WWP1: variants seen among roughly 807,000 people sequenced by gnomAD.
The protein encoded by WWP1 is WW domain containing E3 ubiquitin protein ligase 1.
Under a neutral mutation model 130.6 loss-of-function variants are expected in WWP1, and 49 were observed. The ratio of observed to expected loss-of-function variants is 0.38; its 90% confidence interval spans 0.30 to 0.48. The LOEUF is 0.48. Among genes scored for constraint, WWP1 ranks in the 20% least tolerant of loss-of-function variants. The probability of loss-of-function intolerance (pLI) is 0.99; values close to 1 mark genes in which losing one functional copy is unlikely to be tolerated. For synonymous variants in WWP1, 332 were observed against 367.8 expected, an observed-to-expected ratio of 0.90 and a Z score of 1.11; for missense variants, 809 against 1,100.6, an observed-to-expected ratio of 0.74 and a Z score of 3.75.
chr8:86,352,737 A>G (rs1012064072), intron 1 of WWP1, among the ~76,000 whole-genome samples: 2 of 152,170 alleles, frequency 1.3e-5, no homozygotes, highest in African/African-American at 2.4e-5. Flanking sequence ...AACCTTCCAG[A>G]TGTTTAAAAC....
chr8:86,351,508 T>G (rs1292280670), intron 1 of WWP1, among the ~76,000 whole-genome samples: 1 of 151,598 alleles, frequency 6.6e-6, no homozygotes, highest in Admixed American at 6.6e-5. Flanking sequence ...TCAGCTAGTT[T>G]TTTTTTTTTT....
At chr8:86,448,338 T>C (rs764859361) in intron 19 of WWP1, 35 bp from the exon 20 acceptor site, 1 of 1,587,622 alleles carries the variant, frequency 6.3e-7, no homozygotes, top group Non-Finnish European at 8.5e-7. Flanking sequence ...TTGTTTCATT[T>C]TGTTAATTAG....
At chr8:86,452,738 G>C in intron 21 of WWP1, 59 bp downstream of exon 21, 14 of 1,587,574 alleles carry the variant, frequency 8.8e-6, no homozygotes, top group Middle Eastern at 3.4e-4. Context: ...GACTAATTTA[G>C]TGCTTTTACA....
chr8:86,435,748 T>C (rs776155938), intron 16 of WWP1, 44 bp downstream of exon 16: 56 of 1,578,220 alleles, frequency 3.5e-5, no homozygotes, highest in South Asian at 3.4e-5. Flanking sequence ...TGTCTCATTG[T>C]ATTCTGTGCA....
intron 1 of WWP1, among the ~76,000 whole-genome samples, chr8:86,359,032 C>T (rs1823412543): frequency 6.6e-6 from 1 of 152,134 alleles, no homozygotes; most frequent in Admixed American, 6.5e-5. Flanking sequence ...TGTGGGAAGT[C>T]GTTGGTATCC....
intron 5 of WWP1, among the ~76,000 whole-genome samples, chr8:86,388,028 A>G (rs1016411077): frequency 6.6e-6 from 1 of 152,166 alleles, no homozygotes; most frequent in African/African-American, 2.4e-5. Flanking sequence ...TAAAGTGTTT[A>G]ATTTTAAACT....
At position 86,402,160 on chromosome 8, in the gene WWP1, A is replaced by G. The variant is rs750880501; in HGVS notation, c.681A>G (p.Thr227=). 5.4e-5 allele frequency: 87 copies of G among 1,613,986 alleles called. No homozygotes were observed. The South Asian group carries it at 9.4e-4, about 18-fold the overall frequency. Residue 227 remains threonine (T), a synonymous_variant, in exon 8 of 25, where the codon ACA becomes ACG. Transcript: ENST00000517970. ...AGGTTGCTGCCAGACCCAAAAATAC[A>G]CCAGCTCCAAAACCACTCGCATCTG... ...PSQVAARPKN[T]PAPKPLASEP...
At chr8:86,354,326 A>G (rs1402331952) in intron 1 of WWP1, among the ~76,000 whole-genome samples, 1 of 152,218 alleles carries the variant, frequency 6.6e-6, no homozygotes, top group African/African-American at 2.4e-5. Context: ...ATAAAACTGC[A>G]GTAAAGTCTA....
intron 21 of WWP1, among the ~76,000 whole-genome samples, chr8:86,455,276 A>C (rs1249213728): frequency 1.3e-5 from 2 of 152,050 alleles, no homozygotes; most frequent in Non-Finnish European, 2.9e-5. Flanking sequence ...GAAAAAGGCA[A>C]AGATGTCTAC....
Position 86,350,602 on chromosome 8 carries a change from A to G in WWP1, c.-115+7672A>G, listed in dbSNP as rs531728555. On this transcript the variant is annotated intron_variant, in intron 1 of 24. Coordinates refer to ENST00000517970, the MANE Select transcript of WWP1 (RefSeq NM_007013.4). ...GAAAGGCCAGGGCACAAAGAAGGGCACGGATAGAGTTACATGAAGGTGCTT... is the reference window on the plus strand; with the variant it reads ...GAAAGGCCAGGGCACAAAGAAGGGCGCGGATAGAGTTACATGAAGGTGCTT... 3.3e-4 allele frequency among the ~76,000 whole-genome samples: 51 copies of G among 152,350 alleles called. No individual in the cohort carries two copies. In the South Asian group the frequency reaches 0.01, roughly 30 times the overall value.
chr8:86,413,731 T>TA (rs1454150838), intron 9 of WWP1, among the ~76,000 whole-genome samples: 4 of 152,310 alleles, frequency 2.6e-5, no homozygotes, highest in African/African-American at 7.2e-5. Context: ...GGCAGCAAGA[T>TA]ATATAATGCT....
intron 5 of WWP1, among the ~76,000 whole-genome samples, chr8:86,395,372 T>C (rs1172000523): frequency 6.6e-6 from 1 of 150,882 alleles, no homozygotes; most frequent in Non-Finnish European, 1.5e-5. Context: ...TAAAACTTTA[T>C]TTATGAAAAA....
intron 1 of WWP1, among the ~76,000 whole-genome samples, chr8:86,355,656 A>T (rs1823210555): frequency 1.3e-5 from 2 of 152,192 alleles, no homozygotes; most frequent in Admixed American, 1.3e-4. Flanking sequence ...CATGATCTCT[A>T]ACAGCTTACC....
chr8:86,425,173 A>G (rs769354890), intron 9 of WWP1, 50 bp from the exon 10 acceptor site: 2 of 1,462,926 alleles, frequency 1.4e-6, no homozygotes, highest in African/African-American at 2.8e-5. Context: ...CATTTTTAAG[A>G]TTGTCCTAGT....
chr8:86,383,489 C>A (rs1356511005), intron 5 of WWP1, among the ~76,000 whole-genome samples: 1 of 152,190 alleles, frequency 6.6e-6, no homozygotes, highest in East Asian at 1.9e-4. Flanking sequence ...TGCCTGTAAT[C>A]CCACCACTTT....
At chr8:86,389,935 G>C (rs1403970567) in intron 5 of WWP1, among the ~76,000 whole-genome samples, 1 of 147,328 alleles carries the variant, frequency 6.8e-6, no homozygotes, top group South Asian at 2.2e-4. Flanking sequence ...CTCACTTCCC[G>C]GACGGGGCGG....
intron 9 of WWP1, among the ~76,000 whole-genome samples, chr8:86,419,235 T>C (rs1045155728): frequency 6.6e-6 from 1 of 152,142 alleles, no homozygotes; most frequent in African/African-American, 2.4e-5. Flanking sequence ...TTGGCCAATA[T>C]GGTAAAACCC....
chr8:86,377,252 A>ATTTTTTTTTTTT (rs35139758), intron 3 of WWP1, among the ~76,000 whole-genome samples: 1 of 138,884 alleles, frequency 7.2e-6, no homozygotes. Context: ...TTCCTGTCTA[A>ATTTTTTTTTTTT]TTTTTTTTTT....
In WWP1 at chr8:86,414,776, T is replaced by TA. The variant is rs935911385; in HGVS notation, c.1061+2909dup. 3.3e-5 allele frequency among the ~76,000 whole-genome samples: 5 copies of TA among 151,998 alleles called. No homozygotes were observed. The South Asian group carries it at 6.2e-4, about 19-fold the overall frequency. On this transcript the variant is annotated intron_variant, in intron 9 of 24. Transcript: ENST00000517970. ...TTTATATAGAGATATGTAGATGAAA[T>TA]AAAAAAATTCTGTGTATCAAAATCT...
Sources: allele counts gnomAD v4.1 joint callset (sites outside exome capture counted in the v4.1 genomes callset), GRCh38; gene constraint gnomAD v4.1.1; transcripts MANE v1.5; gene names NCBI Gene and HGNC (gene_info 2026-07-23, HGNC 2026-07-21).